Variants in ZEB1 observed in about 807,000 individuals in gnomAD.
The protein encoded by ZEB1 is zinc finger E-box binding homeobox 1.
Under a neutral mutation model 84.9 loss-of-function variants are expected in ZEB1, and 21 were observed. The ratio of observed to expected loss-of-function variants is 0.25; its 90% confidence interval spans 0.18 to 0.36. The LOEUF is 0.36. ZEB1 is among the 10% of genes least tolerant of loss of function. ZEB1 has a pLI of 1.00. For synonymous variants in ZEB1, 420 were observed against 471.1 expected, an observed-to-expected ratio of 0.89 and a Z score of 1.41; for missense variants, 1,104 against 1,330.2, an observed-to-expected ratio of 0.83 and a Z score of 2.65.
At position 31,521,055 on chromosome 10, in the gene ZEB1, T is replaced by A. The variant is rs762322730; in HGVS notation, c.1723T>A (p.Ser575Thr). The change falls in exon 7 of 9, where the codon TCA becomes ACA. Residue 575 changes from serine to threonine, a missense_variant. By Grantham distance (58) the Ser-to-Thr change is moderately conservative. Transcript: ENST00000424869. ...AEAEKPESSV[S>T]SATGDGNLSP... ...AGCTGAGAAGCCTGAGTCCTCTGTT[T>A]CATCAGCTACTGGAGATGGCAATTT... The A allele has an allele frequency of 6.8e-6, 11 of 1,613,972 alleles. No homozygotes were observed. The South Asian group carries it at 1.2e-4, about 18-fold the overall frequency.
At chr10:31,421,634 A>G (rs989566745) in intron 1 of ZEB1, among the ~76,000 whole-genome samples, 1 of 151,946 alleles carries the variant, frequency 6.6e-6, no homozygotes, top group South Asian at 2.1e-4. Context: ...AAGCTTAGAC[A>G]TTGCCTCCCT....
chr10:31,501,068 T>G (rs2068054085), intron 3 of ZEB1, among the ~76,000 whole-genome samples: 2 of 152,238 alleles, frequency 1.3e-5, no homozygotes, highest in Admixed American at 1.3e-4. Context: ...GTAGCAAGAT[T>G]GTTTTAATAA....
At chr10:31,318,879 C>A, upstream of ZEB1, 1 of 363,570 alleles carries the variant, frequency 2.8e-6, no homozygotes. Context: ...AGGACGCCGC[C>A]GAGCCTCCAA....
chr10:31,507,426 C>G (rs908658886), intron 4 of ZEB1, among the ~76,000 whole-genome samples: 4 of 152,082 alleles, frequency 2.6e-5, no homozygotes. Context: ...AATAGGTTTT[C>G]TATCCCTTTT....
intron 1 of ZEB1, among the ~76,000 whole-genome samples, chr10:31,439,319 A>G (rs2058638521): frequency 6.6e-6 from 1 of 152,224 alleles, no homozygotes; most frequent in South Asian, 2.1e-4. Context: ...ATATTTGCAT[A>G]CATGTGTTAA....
chr10:31,367,436 T>C (rs1004467410), intron 1 of ZEB1, among the ~76,000 whole-genome samples: 16 of 152,304 alleles, frequency 1.1e-4, no homozygotes, highest in Non-Finnish European at 1.3e-4. Flanking sequence ...ATGATGATGA[T>C]GATTGTATTA....
At chr10:31,367,417 A>C (rs1174208883) in intron 1 of ZEB1, among the ~76,000 whole-genome samples, 2 of 152,162 alleles carry the variant, frequency 1.3e-5, no homozygotes. Context: ...AGTAGTGATA[A>C]TGGTAGTGAT....
chr10:31,497,923 A>AG (rs1591869551), intron 3 of ZEB1, among the ~76,000 whole-genome samples: 7 of 136,700 alleles, frequency 5.1e-5, no homozygotes, highest in South Asian at 4.8e-4. Flanking sequence ...CAGGATGGAA[A>AG]AATAGATAGA....
At chr10:31,339,889 C>T (rs1367852827) in intron 1 of ZEB1, among the ~76,000 whole-genome samples, 1 of 152,020 alleles carries the variant, frequency 6.6e-6, no homozygotes, top group Non-Finnish European at 1.5e-5. Context: ...CCACCCACAT[C>T]TCTTATTTGT....
intron 1 of ZEB1, among the ~76,000 whole-genome samples, chr10:31,334,572 A>G (rs1412169968): frequency 1.3e-5 from 2 of 152,124 alleles, no homozygotes; most frequent in African/African-American, 4.8e-5. Flanking sequence ...TTGAAATAAC[A>G]GGGGAATAAT....
At chr10:31,430,024 A>G (rs1475952103) in intron 1 of ZEB1, among the ~76,000 whole-genome samples, 1 of 152,162 alleles carries the variant, frequency 6.6e-6, no homozygotes, top group African/African-American at 2.4e-5. Context: ...TACAGGCGTG[A>G]GCCACCACGC....
Position 31,524,234 on chromosome 10 carries a change from A to G in ZEB1, c.2785+121A>G, listed in dbSNP as rs1254723613. On this transcript the variant is annotated intron_variant, in intron 8 of 8. Transcript: ENST00000424869. ...TTTTTTTTTATTTTGTTTTGAGACA[A>G]GGTCTGGCTCTAGTCACCCAGGCTG... The G allele has an allele frequency of 2.7e-6, 3 of 1,123,466 alleles. No individual in the cohort carries two copies. In the African/African-American group the frequency reaches 4.8e-5, roughly 18 times the overall value. The allele number at this position is 1,123,466 out of a possible 1,614,324, so 69.6% of individuals were successfully genotyped here.
chr10:31,450,307 G>A (rs59223424), intron 1 of ZEB1, among the ~76,000 whole-genome samples: 7,838 of 151,940 alleles, frequency 0.052, 580 homozygotes, highest in East Asian at 0.18. Flanking sequence ...TCCTTCATGT[G>A]TTTCATTTGT....
chr10:31,523,978 G>A lies in ZEB1; in HGVS notation c.2650G>A (p.Asp884Asn). 1.2e-6 allele frequency: 2 copies of A among 1,613,870 alleles called. No individual in the cohort carries two copies. Reference sequence around the variant, plus strand: ...CTCAGAAGGAGTATCAAATGTAGAGGATCAGAATGACTCTGATTCTACACC... The same window carrying A: ...CTCAGAAGGAGTATCAAATGTAGAGAATCAGAATGACTCTGATTCTACACC... ...TSSEGVSNVE[D>N]QNDSDSTPPK... is the part of the protein sequence containing the mutation. Residue 884 changes from aspartate (D) to asparagine (N), a missense_variant, in exon 8 of 9, where the codon GAT becomes AAT. Coordinates refer to ENST00000424869, the MANE Select transcript of ZEB1 (RefSeq NM_001174096.2).
At chr10:31,392,350 TA>T (rs1475623043) in intron 1 of ZEB1, among the ~76,000 whole-genome samples, 1 of 152,180 alleles carries the variant, frequency 6.6e-6, no homozygotes, top group East Asian at 1.9e-4. Context: ...TCCAGAATAT[TA>T]AAAAAGTAGG....
At chr10:31,423,996 A>G (rs1003565080) in intron 1 of ZEB1, among the ~76,000 whole-genome samples, 1 of 151,964 alleles carries the variant, frequency 6.6e-6, no homozygotes, top group Non-Finnish European at 1.5e-5. Context: ...ACAAAGCCAA[A>G]TATTTGCTTT....
chr10:31,319,871 G>T, intron 1 of ZEB1: 1 of 146,460 alleles, frequency 6.8e-6, no homozygotes, highest in South Asian at 1.8e-4. Context: ...ACTCGGGCCG[G>T]GCTGTGGGCG....
chr10:31,488,797 T>G (rs894961033), intron 2 of ZEB1, among the ~76,000 whole-genome samples: 1 of 151,220 alleles, frequency 6.6e-6, no homozygotes, highest in African/African-American at 2.4e-5. Flanking sequence ...TTTTCTTATC[T>G]TTTTCCTATT....
chr10:31,414,631 G>T (rs1239943192), intron 1 of ZEB1, among the ~76,000 whole-genome samples: 2 of 152,148 alleles, frequency 1.3e-5, no homozygotes, highest in African/African-American at 4.8e-5. Flanking sequence ...TGATGACTCA[G>T]TGATTTTAGA....
Sources: gnomAD v4.1 joint callset for allele counts (sites outside exome capture counted in the v4.1 genomes callset) on GRCh38, gnomAD v4.1.1 for gene constraint, MANE v1.5 for transcripts, NCBI Gene and HGNC (gene_info 2026-07-23, HGNC 2026-07-21) for gene names.